Variants in NEK7 observed in about 807,000 individuals in gnomAD.
The protein encoded by NEK7 is NIMA related kinase 7, also known as serine/threonine-protein kinase Nek7.
In NEK7, 18 loss-of-function variants were observed where a neutral mutation model predicts 44.6. That is an observed-to-expected ratio of 0.40 (90% CI 0.28 to 0.60). NEK7 has a LOEUF of 0.60. Ranked by LOEUF, NEK7 falls within the 20% of genes least tolerant of loss-of-function variation. The probability of loss-of-function intolerance (pLI) is 0.38; values close to 1 mark genes in which losing one functional copy is unlikely to be tolerated. For synonymous variants in NEK7, 130 were observed against 121.1 expected (o/e 1.07, Z -0.48); for missense variants, 256 against 366.5 (o/e 0.70, Z 2.46).
intron 9 of NEK7, among the ~76,000 whole-genome samples, chr1:198,315,731 A>G (rs1655349544): frequency 6.6e-6 from 1 of 152,206 alleles, no homozygotes; most frequent in African/African-American, 2.4e-5. Flanking sequence ...TTTGATATGA[A>G]TTTCAAATTT....
chr1:198,273,975 A>G (rs2102972354), intron 5 of NEK7, among the ~76,000 whole-genome samples: 1 of 151,646 alleles, frequency 6.6e-6, no homozygotes, highest in Non-Finnish European at 1.5e-5. Flanking sequence ...AGGTCACACA[A>G]CCAGTTACTG....
At chr1:198,198,407 CTA>C (rs1413207927) in intron 1 of NEK7, among the ~76,000 whole-genome samples, 2 of 152,226 alleles carry the variant, frequency 1.3e-5, no homozygotes, top group African/African-American at 4.8e-5. Flanking sequence ...CCTGTGTATC[CTA>C]TGAGGTAGAA....
In NEK7 at chr1:198,269,334, G is replaced by C. The variant is rs10922394; in HGVS notation, c.372+5099G>C. 2.0e-4 allele frequency among the ~76,000 whole-genome samples: 30 copies of C among 152,148 alleles called. No homozygotes were observed. In the East Asian group the frequency reaches 5.6e-3, roughly 29 times the overall value. On this transcript the variant is annotated intron_variant, in intron 5 of 9. Coordinates refer to ENST00000367385, the MANE Select transcript of NEK7 (RefSeq NM_133494.3). ...CTGCTTTATGCTCTCGTTTCATAGA[G>C]AGTTGCTGTGATATTCAGTGTATTT... is the stretch of plus-strand genomic sequence containing the variant.
intron 1 of NEK7, among the ~76,000 whole-genome samples, chr1:198,158,068 C>T (rs1423612949): frequency 6.6e-6 from 1 of 152,180 alleles, no homozygotes; most frequent in African/African-American, 2.4e-5. Context: ...GCCTCTGTTA[C>T]ACTGTAGGCC....
chr1:198,300,710 A>G (rs1238438274), intron 9 of NEK7, among the ~76,000 whole-genome samples: 2 of 151,864 alleles, frequency 1.3e-5, no homozygotes, highest in Non-Finnish European at 1.5e-5. Flanking sequence ...TAAAAGGCTT[A>G]GTAATTGATT....
At chr1:198,314,317 T>A (rs993243533) in intron 9 of NEK7, among the ~76,000 whole-genome samples, 2 of 152,186 alleles carry the variant, frequency 1.3e-5, no homozygotes, top group Non-Finnish European at 2.9e-5. Context: ...TAATGGTTAT[T>A]CTAGTTATAC....
chr1:198,275,522 A>G (rs1653990194), intron 5 of NEK7, among the ~76,000 whole-genome samples: 1 of 151,000 alleles, frequency 6.6e-6, no homozygotes, highest in Non-Finnish European at 1.5e-5. Flanking sequence ...AATCAGAGCT[A>G]AACATTTATA....
intron 1 of NEK7, among the ~76,000 whole-genome samples, chr1:198,185,788 A>G (rs917322746): frequency 3.9e-5 from 6 of 152,112 alleles, no homozygotes; most frequent in Non-Finnish European, 7.4e-5. Flanking sequence ...ACTGAGAACT[A>G]TGATTTTATT....
At chr1:198,292,339 T>A (rs1358527744) in intron 7 of NEK7, among the ~76,000 whole-genome samples, 1 of 152,044 alleles carries the variant, frequency 6.6e-6, no homozygotes, top group Non-Finnish European at 1.5e-5. Flanking sequence ...TAACAATAAC[T>A]CAAGACATTT....
At chr1:198,193,459 C>T (rs1253255866) in intron 1 of NEK7, among the ~76,000 whole-genome samples, 9 of 151,960 alleles carry the variant, frequency 5.9e-5, no homozygotes, top group South Asian at 2.1e-4. Context: ...ACTTATTTTA[C>T]GAGGCCAGCA....
intron 7 of NEK7, among the ~76,000 whole-genome samples, chr1:198,281,751 G>T (rs1654204853): frequency 6.6e-6 from 1 of 151,936 alleles, no homozygotes; most frequent in Non-Finnish European, 1.5e-5. Flanking sequence ...GTATTTAACA[G>T]TCCTTAAGAG....
intron 1 of NEK7, among the ~76,000 whole-genome samples, chr1:198,208,011 A>G (rs1021583945): frequency 1.3e-5 from 2 of 152,210 alleles, no homozygotes; most frequent in Non-Finnish European, 2.9e-5. Context: ...TTTCAATTTT[A>G]GATACATTTC....
At chr1:198,221,461 T>G (rs1323172927) in intron 1 of NEK7, among the ~76,000 whole-genome samples, 3 of 151,698 alleles carry the variant, frequency 2.0e-5, no homozygotes, top group African/African-American at 4.8e-5. Flanking sequence ...AATTATAAAG[T>G]TTTTTTGACA....
chr1:198,309,422 C>A (rs999281649), intron 9 of NEK7, among the ~76,000 whole-genome samples: 3 of 151,886 alleles, frequency 2.0e-5, no homozygotes, highest in Admixed American at 2.0e-4. Context: ...TTATGCCAGG[C>A]CAAGGGCCTT....
chr1:198,194,807 A>G (rs1403674107), intron 1 of NEK7, among the ~76,000 whole-genome samples: 1 of 152,200 alleles, frequency 6.6e-6, no homozygotes, highest in Non-Finnish European at 1.5e-5. Context: ...TGATAGAACA[A>G]TTTATATTCC....
At chr1:198,296,618 A>G (rs181126737) in intron 8 of NEK7, among the ~76,000 whole-genome samples, 222 of 152,314 alleles carry the variant, frequency 1.5e-3, no homozygotes, top group Non-Finnish European at 1.6e-3. Flanking sequence ...TTGCATTTAA[A>G]TTGAAAAGAC....
intron 1 of NEK7, among the ~76,000 whole-genome samples, chr1:198,174,725 G>T (rs1400885788): frequency 6.6e-6 from 1 of 151,902 alleles, no homozygotes; most frequent in Non-Finnish European, 1.5e-5. Context: ...TAATGGATAG[G>T]AAAGCATTGT....
intron 1 of NEK7, among the ~76,000 whole-genome samples, chr1:198,158,189 G>T (rs1200990580): frequency 6.6e-6 from 1 of 152,150 alleles, no homozygotes; most frequent in Non-Finnish European, 1.5e-5. Context: ...TCACTGGGGA[G>T]AAATGCTAAA....
chr1:198,178,055 A>G (rs925140271), intron 1 of NEK7, among the ~76,000 whole-genome samples: 13 of 152,096 alleles, frequency 8.5e-5, no homozygotes, highest in African/African-American at 2.9e-4. Flanking sequence ...GAGATCCTCA[A>G]CTATGTGCTG....
Sources: allele counts gnomAD v4.1 joint callset (sites outside exome capture counted in the v4.1 genomes callset), GRCh38; gene constraint gnomAD v4.1.1; transcripts MANE v1.5; gene names NCBI Gene and HGNC (gene_info 2026-07-23, HGNC 2026-07-21).